The following GNA12 variants were observed in gnomAD, a reference collection of about 807,000 sequenced individuals.
GNA12 encodes G protein subunit alpha 12, also known as guanine nucleotide-binding protein subunit alpha-12.
Under a neutral mutation model 26.0 loss-of-function variants are expected in GNA12, and 9 were observed. The ratio of observed to expected loss-of-function variants is 0.35; its 90% CI spans 0.21 to 0.60. The LOEUF (loss-of-function observed/expected upper bound fraction) is 0.60. Among genes scored for constraint, GNA12 ranks in the 20% least tolerant of loss-of-function variants. GNA12 has a pLI of 0.78. For missense variants in GNA12, 405 were observed against 525.8 expected (o/e 0.77, Z 2.25); for synonymous variants, 264 against 219.6 (o/e 1.20, Z -1.79).
chr7:2,741,533 T>C (rs140568501), intron 2 of GNA12, among the ~76,000 whole-genome samples: 90 of 152,226 alleles, frequency 5.9e-4, no homozygotes, highest in East Asian at 2.9e-3. Context: ...ATTCCAGCCT[T>C]TGTAGTAGCC....
intron 2 of GNA12, among the ~76,000 whole-genome samples, chr7:2,769,184 G>A (rs1172111535): frequency 1.1e-4 from 16 of 152,114 alleles, no homozygotes; most frequent in Admixed American, 3.9e-4. Context: ...GATTACAGGC[G>A]TGAGCCACCA....
chr7:2,815,818 C>T (rs1031448930), intron 1 of GNA12, among the ~76,000 whole-genome samples: 2 of 152,238 alleles, frequency 1.3e-5, no homozygotes, highest in South Asian at 2.1e-4. Flanking sequence ...CACCTGATGA[C>T]GTCCAATCCC....
chr7:2,773,959 T>G lies in GNA12; in HGVS notation c.525+20969A>C, dbSNP rs539770661. Among the ~76,000 whole-genome samples, 9 of 152,300 alleles carry G rather than the reference T, an allele frequency of 5.9e-5. No individual in the cohort carries two copies. The South Asian group carries it at 1.9e-3, about 32-fold the overall frequency. On this transcript the variant is annotated intron_variant, in intron 2 of 3. Coordinates refer to ENST00000275364, the MANE Select transcript of GNA12 (RefSeq NM_007353.3). The stretch of plus-strand genomic sequence containing the variant: ...AACAAGGAAGAACGTGCCGCAGAAT[T>G]GGAAGAACCGCACAAAACGAAATGG...
intron 2 of GNA12, among the ~76,000 whole-genome samples, chr7:2,768,858 T>C (rs1791878645): frequency 6.6e-6 from 1 of 152,222 alleles, no homozygotes; most frequent in Admixed American, 6.5e-5. Context: ...GTTTGGTTTA[T>C]ATAAATGGGA....
chr7:2,749,136 T>C (rs574151274), intron 2 of GNA12, among the ~76,000 whole-genome samples: 16 of 152,262 alleles, frequency 1.1e-4, no homozygotes, highest in East Asian at 5.8e-4. Context: ...AGAAATACCA[T>C]TGGACCCAGC....
chr7:2,789,966 T>G (rs949776652), intron 2 of GNA12, among the ~76,000 whole-genome samples: 1 of 152,216 alleles, frequency 6.6e-6, no homozygotes, highest in African/African-American at 2.4e-5. Context: ...TTAAGCCAGT[T>G]TGAGCTGGGG....
At chr7:2,799,441 GC>G (rs1792755631) in intron 1 of GNA12, among the ~76,000 whole-genome samples, 1 of 152,094 alleles carries the variant, frequency 6.6e-6, no homozygotes, top group East Asian at 1.9e-4. Context: ...AATTAGGCAG[GC>G]ATGGTGGCAC....
intron 2 of GNA12, among the ~76,000 whole-genome samples, chr7:2,777,766 G>T (rs563051708): frequency 3.0e-4 from 46 of 152,292 alleles, no homozygotes; most frequent in Non-Finnish European, 6.0e-4. Flanking sequence ...ACAGTGTGTG[G>T]AACTGTTATG....
chr7:2,773,322 G>C (rs1000768639), intron 2 of GNA12, among the ~76,000 whole-genome samples: 1 of 152,236 alleles, frequency 6.6e-6, no homozygotes, highest in Non-Finnish European at 1.5e-5. Flanking sequence ...CCAGCACTTT[G>C]GGAGGCCGAC....
chr7:2,748,605 G>A lies in GNA12; in HGVS notation c.526-15104C>T, dbSNP rs1056362802. 4.2e-3 allele frequency among the ~76,000 whole-genome samples: 636 copies of A among 152,060 alleles called. 6 individuals are homozygous for A. The highest frequency in any genetic ancestry group is 6.2e-3 in the Non-Finnish European group (419 of 67,958). ...CATTCAGGACATAGGCATGGGCAAG[G>A]ACTTCATGTCTAAAACACCAAAAGC... is the stretch of plus-strand genomic sequence containing the variant. On this transcript the variant is annotated intron_variant, in intron 2 of 3. Transcript: ENST00000275364.
chr7:2,841,372 G>A (rs1778983672), intron 1 of GNA12, among the ~76,000 whole-genome samples: 1 of 152,194 alleles, frequency 6.6e-6, no homozygotes, highest in Non-Finnish European at 1.5e-5. Context: ...ACTAGAGACA[G>A]TCAAACTGCT....
At position 2,729,987 on chromosome 7, in the gene GNA12, C is replaced by G. The variant is rs1386921424; in HGVS notation, c.*1194G>C. 1.3e-5 allele frequency: 2 copies of G among 152,380 alleles called. No homozygotes were observed. Among genetic ancestry groups the G allele is most frequent in the African/African-American group, 4.8e-5 (2 of 41,454 alleles). The allele number at this position is 152,380 out of a possible 1,614,324, so 9.4% of individuals were successfully genotyped here. On this transcript the variant is annotated 3_prime_UTR_variant, in exon 4 of 4. Coordinates refer to ENST00000275364, the MANE Select transcript of GNA12 (RefSeq NM_007353.3). ...GAGAGTGTTTACTCTTCTGCAAGCA[C>G]AGTCATAGAAGCGAGGGGCCTCGAT...
chr7:2,780,093 T>TATATATATA (rs57390413), intron 2 of GNA12, among the ~76,000 whole-genome samples: 2 of 130,136 alleles, frequency 1.5e-5, no homozygotes, highest in African/African-American at 6.0e-5. Flanking sequence ...TATATATATA[T>TATATATATA]GCCTGTTTTC....
intron 2 of GNA12, 95 bp downstream of exon 2, chr7:2,794,833 G>C (rs1444431161): frequency 2.2e-6 from 2 of 903,214 alleles, no homozygotes; most frequent in African/African-American, 1.6e-5. Context: ...TGCTTGGACT[G>C]TTACACAGTT....
At chr7:2,798,275 T>G (rs1455084796) in intron 1 of GNA12, among the ~76,000 whole-genome samples, 1 of 152,196 alleles carries the variant, frequency 6.6e-6, no homozygotes, top group South Asian at 2.1e-4. Flanking sequence ...TGATCTATGT[T>G]GAAAATCCCA....
chr7:2,820,242 A>G (rs1327387672), intron 1 of GNA12, among the ~76,000 whole-genome samples: 1 of 152,132 alleles, frequency 6.6e-6, no homozygotes, highest in African/African-American at 2.4e-5. Flanking sequence ...GCAGGAGGAA[A>G]ATGTGCAGTG....
At chr7:2,800,304 C>A (rs921258243) in intron 1 of GNA12, among the ~76,000 whole-genome samples, 2 of 152,222 alleles carry the variant, frequency 1.3e-5, no homozygotes, top group Non-Finnish European at 2.9e-5. Flanking sequence ...ACAAGAGATT[C>A]ATGGTTGCCA....
intron 2 of GNA12, chr7:2,762,788 G>A (rs1246806062): frequency 2.6e-6 from 4 of 1,540,210 alleles, no homozygotes; most frequent in Non-Finnish European, 3.5e-6. Context: ...TGTACAAAAG[G>A]GAGGAGGAGC....
chr7:2,777,003 T>A (rs188783001), intron 2 of GNA12, among the ~76,000 whole-genome samples: 2 of 152,146 alleles, frequency 1.3e-5, no homozygotes. Flanking sequence ...TGGGGGTGGG[T>A]TGTGCCTTTA....
Sources: allele counts gnomAD v4.1 joint callset (sites outside exome capture counted in the v4.1 genomes callset), GRCh38; gene constraint gnomAD v4.1.1; transcripts MANE v1.5; gene names NCBI Gene and HGNC (gene_info 2026-07-23, HGNC 2026-07-21).